WWP2: variants seen among roughly 807,000 people sequenced by gnomAD.
WWP2 encodes NEDD4-like E3 ubiquitin-protein ligase WWP2.
WWP2 carries 57 observed loss-of-function variants against 121.0 expected under a neutral mutation model. The observed-to-expected ratio is 0.47, with a 90% CI of 0.38 to 0.59. The LOEUF (loss-of-function observed/expected upper bound fraction) is 0.59. Among genes scored for constraint, WWP2 ranks in the 20% least tolerant of loss-of-function variants. The pLI is 0.00. For synonymous variants in WWP2, 449 were observed against 441.3 expected, an observed-to-expected ratio of 1.02 and a Z score of -0.22; for missense variants, 962 against 1,158.9, an observed-to-expected ratio of 0.83 and a Z score of 2.47.
intron 2 of WWP2, among the ~76,000 whole-genome samples, chr16:69,798,024 G>C (rs1010309568): frequency 7.9e-5 from 12 of 152,214 alleles, no homozygotes. Context: ...GGCCTTAGCT[G>C]TTGTCTTTAC....
intron 4 of WWP2, among the ~76,000 whole-genome samples, chr16:69,829,360 T>A (rs756069959): frequency 6.6e-6 from 1 of 152,214 alleles, no homozygotes; most frequent in Non-Finnish European, 1.5e-5. Context: ...TTTAGCACTG[T>A]GCAGTGGCTC....
At chr16:69,908,399 GT>G (rs1034854905) in intron 8 of WWP2, among the ~76,000 whole-genome samples, 13 of 152,322 alleles carry the variant, frequency 8.5e-5, no homozygotes, top group East Asian at 1.9e-4. Context: ...AAGGGAAAGG[GT>G]CCTCAGCTTT....
intron 6 of WWP2, among the ~76,000 whole-genome samples, chr16:69,848,526 CTTTGGGAGGCTGA>C (rs1233695392): frequency 1.3e-5 from 2 of 149,470 alleles, no homozygotes; most frequent in African/African-American, 4.9e-5. Context: ...AATCCCAGCA[CTTTGGGAGGCTGA>C]GTTGGGAGGA....
chr16:69,784,466 C>T (rs915818619), intron 1 of WWP2, among the ~76,000 whole-genome samples: 5 of 152,126 alleles, frequency 3.3e-5, no homozygotes, highest in African/African-American at 1.2e-4. Context: ...ACCAATGTTC[C>T]AGAAGCAAAG....
intron 1 of WWP2, among the ~76,000 whole-genome samples, chr16:69,778,072 A>AGTATAT (rs1287548097): frequency 8.0e-5 from 11 of 137,540 alleles, no homozygotes; most frequent in African/African-American, 2.8e-4. Flanking sequence ...CCCTGTCTCA[A>AGTATAT]ATATATATAT....
chr16:69,836,965 T>TTATC (rs919162966), intron 4 of WWP2, among the ~76,000 whole-genome samples: 11 of 151,062 alleles, frequency 7.3e-5, no homozygotes, highest in South Asian at 2.1e-4. Flanking sequence ...TTTTGGTTGC[T>TTATC]TAGGTTGGAG....
At chr16:69,855,015 T>A (rs909941292) in intron 6 of WWP2, among the ~76,000 whole-genome samples, 3 of 151,970 alleles carry the variant, frequency 2.0e-5, no homozygotes, top group African/African-American at 7.3e-5. Flanking sequence ...ACCACCACAG[T>A]AGGCTAATTT....
chr16:69,815,498 AAGG>A lies in WWP2; in HGVS notation c.340+16206_340+16208del, dbSNP rs1267884258. 3.6e-3 allele frequency among the ~76,000 whole-genome samples: 542 copies of A among 151,760 alleles called. 4 individuals carry two copies. The highest frequency in any genetic ancestry group is 0.011 in the African/African-American group (457 of 41,382). ...CCCTGTCTCTTTAAAAAAAAAAAAA[AAGG>A]AGAGGGGCAGGGGCTGGGCACGGTG... On this transcript the variant is annotated intron_variant, in intron 4 of 23. Coordinates refer to ENST00000359154, the MANE Select transcript of WWP2 (RefSeq NM_001270454.2).
chr16:69,793,911 C>CTTTTTTT (rs71151135), intron 2 of WWP2, among the ~76,000 whole-genome samples: 50 of 62,314 alleles, frequency 8.0e-4, no homozygotes, highest in Non-Finnish European at 9.2e-4. Flanking sequence ...ATTATCCTTG[C>CTTTTTTT]TTTTTTTTTT....
chr16:69,851,913 G>A (rs539226430), intron 6 of WWP2, among the ~76,000 whole-genome samples: 1 of 152,274 alleles, frequency 6.6e-6, no homozygotes, highest in African/African-American at 2.4e-5. Context: ...AATCTGGGGG[G>A]TGGAGTTTGC....
chr16:69,870,006 T>C (rs1447402231), intron 6 of WWP2, among the ~76,000 whole-genome samples: 1 of 152,230 alleles, frequency 6.6e-6, no homozygotes, highest in African/African-American at 2.4e-5. Flanking sequence ...GGAATTTAGC[T>C]TGAGTTCAGG....
chr16:69,786,881 T>G (rs1335390132), intron 1 of WWP2, 115 bp from the exon 2 acceptor site: 16 of 865,766 alleles, frequency 1.8e-5, no homozygotes, highest in Non-Finnish European at 2.8e-5. Flanking sequence ...TTGCAGTTGC[T>G]TGGACGTTTC....
rs1215003538 is a variant in WWP2 at position 69,930,159 on chromosome 16, G to C, written c.1346G>C (p.Gly449Ala). 6.2e-7 allele frequency: 1 copy of C among 1,613,972 alleles called. No homozygotes were observed. The highest frequency in any genetic ancestry group is 1.3e-5 in the African/African-American group (1 of 74,924). The change falls in exon 13 of 24, where the codon GGA becomes GCA. Residue 449 changes from glycine to alanine, a missense_variant. This residue lies in a region of WWP2 where 606 missense variants were observed against 772.6 expected (regional missense o/e 0.78). Transcript: ENST00000359154. ...GMIQEPALPP[G>A]WEMKYTSEGV... is the part of the protein sequence containing the mutation. ...ATCCAGGAACCAGCTCTGCCCCCAGGATGGGAGATGAAATACACCAGCGAG... is the reference window on the plus strand; with the variant it reads ...ATCCAGGAACCAGCTCTGCCCCCAGCATGGGAGATGAAATACACCAGCGAG...
At chr16:69,924,629 C>T (rs1416006123) in intron 10 of WWP2, among the ~76,000 whole-genome samples, 3 of 151,934 alleles carry the variant, frequency 2.0e-5, no homozygotes, top group Admixed American at 2.0e-4. Flanking sequence ...CCCTGAAGCC[C>T]TGGAGCCAGT....
chr16:69,889,002 G>A (rs370658283), intron 8 of WWP2, among the ~76,000 whole-genome samples: 16 of 151,848 alleles, frequency 1.1e-4, no homozygotes, highest in African/African-American at 2.9e-4. Context: ...CACCACACCC[G>A]GCCCTCTTGC....
At position 69,940,217 on chromosome 16, in the gene WWP2, T is replaced by C. The variant is rs2058862276; in HGVS notation, c.*277T>C. On this transcript the variant is annotated 3_prime_UTR_variant, in exon 24 of 24. Transcript: ENST00000359154. ...TGACCCTCTCTGCAAAACTCTCCCCTGTCCTCTAGACCCCACCCTGGGTGT... is the reference window on the plus strand; with the variant it reads ...TGACCCTCTCTGCAAAACTCTCCCCCGTCCTCTAGACCCCACCCTGGGTGT... The C allele has an allele frequency of 2.1e-6, 1 of 475,722 alleles. No individual in the cohort carries two copies. The allele number at this position is 475,722 out of a possible 1,614,324, so 29.5% of individuals were successfully genotyped here.
chr16:69,818,400 T>C (rs1034003134), intron 4 of WWP2, among the ~76,000 whole-genome samples: 2 of 151,808 alleles, frequency 1.3e-5, no homozygotes, highest in Non-Finnish European at 2.9e-5. Flanking sequence ...AGAGATGGGG[T>C]TTCACCATGT....
chr16:69,816,971 T>G (rs756153846), intron 4 of WWP2, among the ~76,000 whole-genome samples: 1 of 152,208 alleles, frequency 6.6e-6, no homozygotes, highest in East Asian at 1.9e-4. Context: ...AACCCAGTTC[T>G]TTTGTTCCTA....
intron 6 of WWP2, among the ~76,000 whole-genome samples, chr16:69,862,217 C>T (rs977323915): frequency 6.6e-6 from 1 of 152,190 alleles, no homozygotes; most frequent in African/African-American, 2.4e-5. Flanking sequence ...AGGCATTCGC[C>T]ACCATGCCCG....
Sources: allele counts gnomAD v4.1 joint callset (sites outside exome capture counted in the v4.1 genomes callset), GRCh38; gene constraint gnomAD v4.1.1; regional missense constraint gnomAD v4.1.1; transcripts MANE v1.5; gene names NCBI Gene and HGNC (gene_info 2026-07-23, HGNC 2026-07-21).